The following KLHL32 variants were observed in gnomAD, a reference collection of about 807,000 sequenced individuals.
The protein encoded by KLHL32 is kelch-like protein 32.
KLHL32 carries 35 observed loss-of-function variants against 64.8 expected under a neutral mutation model. That is an observed-to-expected ratio of 0.54 (90% CI 0.41 to 0.72). The LOEUF is 0.72. KLHL32 is among the 30% of genes least tolerant of loss of function. The pLI is 0.00. For missense variants in KLHL32, 589 were observed against 768.5 expected (o/e 0.77, Z 2.76); for synonymous variants, 259 against 281.0 (o/e 0.92, Z 0.78).
intron 10 of KLHL32, among the ~76,000 whole-genome samples, chr6:97,137,479 T>C (rs1800154722): frequency 1.3e-5 from 2 of 152,192 alleles, no homozygotes; most frequent in South Asian, 4.1e-4. Context: ...TTGTGAAACA[T>C]GGATCCCCAA....
rs1195222914 is a variant in KLHL32 at position 97,113,845 on chromosome 6, C to T, written c.690C>T (p.Tyr230=). The part of the protein sequence containing the change: ...HYQYMDELLQ[Y]IRFGLMDVDT... ...AGTACATGGACGAGCTCCTGCAATA[C>T]ATCCGCTTTGGCCTAATGGATGTGG... Residue 230 remains tyrosine (Y), a synonymous_variant, in exon 7 of 11, where the codon TAC becomes TAT. Coordinates refer to ENST00000369261, the MANE Select transcript of KLHL32 (RefSeq NM_052904.4). 1 of 1,614,142 alleles carries T rather than the reference C, an allele frequency of 6.2e-7. No individual in the cohort carries two copies. Among genetic ancestry groups the T allele is most frequent in the Non-Finnish European group, 8.5e-7 (1 of 1,180,032 alleles).
intron 6 of KLHL32, among the ~76,000 whole-genome samples, chr6:97,091,738 C>T (rs117883448): frequency 1.7e-4 from 26 of 152,278 alleles, no homozygotes; most frequent in Non-Finnish European, 3.1e-4. Context: ...TGTTAACTCT[C>T]GATAGTTGTA....
rs138316148 is a variant in KLHL32 at position 96,994,659 on chromosome 6, T to C, written c.204+18482T>C. Reference sequence around the variant, plus strand: ...GTTTAAAATATGATTAATGAATGATTAGTTGCGTGCAAAGTACTATGAGTT... The same window carrying C: ...GTTTAAAATATGATTAATGAATGATCAGTTGCGTGCAAAGTACTATGAGTT... On this transcript the variant is annotated intron_variant, in intron 3 of 10. Coordinates refer to ENST00000369261, the MANE Select transcript of KLHL32 (RefSeq NM_052904.4). 1.9e-3 allele frequency: 1,829 copies of C among 977,622 alleles called. 5 individuals carry two copies. Among genetic ancestry groups the C allele is most frequent in the Non-Finnish European group, 2.1e-3 (1,724 of 822,814 alleles). The allele number at this position is 977,622 out of a possible 1,614,324, so 60.6% of individuals were successfully genotyped here. A position where few individuals can be genotyped will look rare whatever the true frequency, so the allele number is the denominator to read the frequency against.
At chr6:97,108,538 C>T (rs963373295) in intron 6 of KLHL32, among the ~76,000 whole-genome samples, 2 of 152,144 alleles carry the variant, frequency 1.3e-5, no homozygotes, top group Admixed American at 1.3e-4. Flanking sequence ...GTTCACAGCA[C>T]AGAGGTGATT....
intron 4 of KLHL32, among the ~76,000 whole-genome samples, chr6:97,058,712 C>T (rs370236089): frequency 2.0e-5 from 3 of 152,278 alleles, no homozygotes; most frequent in East Asian, 3.9e-4. Context: ...TGTTCTTTGA[C>T]CTCTCCTTTC....
chr6:96,899,418 T>C, the KLHL32 span, among the ~76,000 whole-genome samples: 3 of 152,362 alleles, frequency 2.0e-5, no homozygotes, highest in African/African-American at 7.2e-5. Context: ...CCTGTTAAAA[T>C]ATTTTAAAAG....
At chr6:96,907,020 T>C in the KLHL32 span, among the ~76,000 whole-genome samples, 3 of 152,214 alleles carry the variant, frequency 2.0e-5, no homozygotes, top group Admixed American at 2.0e-4. Flanking sequence ...ATCAAAAAGA[T>C]AATTCATGTA....
intron 3 of KLHL32, among the ~76,000 whole-genome samples, chr6:97,005,399 T>C (rs934014494): frequency 1.3e-5 from 2 of 152,102 alleles, no homozygotes; most frequent in African/African-American, 4.8e-5. Context: ...GGTAGTGGTC[T>C]ATCTCTCTTA....
intron 1 of KLHL32, among the ~76,000 whole-genome samples, chr6:96,932,042 A>G (rs1175361199): frequency 2.0e-5 from 3 of 151,988 alleles, no homozygotes; most frequent in Non-Finnish European, 2.9e-5. Flanking sequence ...TTGTTTCCTC[A>G]TCTACTCTGC....
chr6:97,068,925 G>A (rs906025717), intron 5 of KLHL32, among the ~76,000 whole-genome samples: 2 of 152,200 alleles, frequency 1.3e-5, no homozygotes, highest in African/African-American at 2.4e-5. Flanking sequence ...GCACTTTTAT[G>A]TGAAAGACGT....
At position 97,041,597 on chromosome 6, in the gene KLHL32, C is replaced by G. The variant is rs1274166425; in HGVS notation, c.310C>G (p.Gln104Glu). Residue 104 changes from glutamine to glutamate, a missense_variant and splice_region_variant, in exon 4 of 11, where the codon CAG becomes GAG. Coordinates refer to ENST00000369261, the MANE Select transcript of KLHL32 (RefSeq NM_052904.4). ...GGCTCTGGAGTTTGCATACACAGGA[C>G]AGGTATGGTATTAAATGTGATCTGT... is the stretch of plus-strand genomic sequence containing the variant. ...KQALEFAYTG[Q>E]ILLEPGVIQD... The G allele has an allele frequency of 1.3e-6, 2 of 1,585,266 alleles. No homozygotes were observed. The highest frequency in any genetic ancestry group is 1.3e-5 in the African/African-American group (1 of 74,302).
chr6:97,132,096 T>A (rs541652795), intron 9 of KLHL32, among the ~76,000 whole-genome samples: 2 of 152,254 alleles, frequency 1.3e-5, no homozygotes, highest in South Asian at 4.2e-4. Context: ...TCCAGGCTGG[T>A]CCCAGCTCAG....
At chr6:96,951,011 C>G (rs549842269) in intron 1 of KLHL32, among the ~76,000 whole-genome samples, 1 of 152,268 alleles carries the variant, frequency 6.6e-6, no homozygotes, top group South Asian at 2.1e-4. Flanking sequence ...AAAAAAAGTA[C>G]TTCTCACAAA....
intron 6 of KLHL32, among the ~76,000 whole-genome samples, chr6:97,094,892 C>G (rs1335072496): frequency 6.6e-6 from 1 of 152,156 alleles, no homozygotes; most frequent in Non-Finnish European, 1.5e-5. Context: ...ACTACCTTCT[C>G]TGGCCACACA....
chr6:97,054,775 C>G (rs1048790376), intron 4 of KLHL32, among the ~76,000 whole-genome samples: 1 of 152,238 alleles, frequency 6.6e-6, no homozygotes, highest in Non-Finnish European at 1.5e-5. Flanking sequence ...ATGTATCTGT[C>G]AAAGTAGGAA....
chr6:97,105,175 T>C (rs562735914), intron 6 of KLHL32, among the ~76,000 whole-genome samples: 3 of 152,336 alleles, frequency 2.0e-5, no homozygotes, highest in Admixed American at 2.0e-4. Flanking sequence ...AAATAATATC[T>C]AAAACAATGT....
In KLHL32 at chr6:97,091,515, CAG is replaced by C. The variant is rs57305749; in HGVS notation, c.627+6175_627+6176del. Among the ~76,000 whole-genome samples, 69 of 152,316 alleles carry C rather than the reference CAG, an allele frequency of 4.5e-4. 1 individual carries two copies. The highest frequency in any genetic ancestry group is 8.5e-4 in the Non-Finnish European group (58 of 68,034). ...CAGGGTCCTGCTGTCATGGGCCTGA[CAG>C]TGTCTGATGTGGGGCTTTCCGCTTG... On this transcript the variant is annotated intron_variant, in intron 6 of 10. Transcript: ENST00000369261.
chr6:97,045,437 A>T (rs958746654), intron 4 of KLHL32, among the ~76,000 whole-genome samples: 18 of 151,956 alleles, frequency 1.2e-4, no homozygotes, highest in Admixed American at 9.2e-4. Flanking sequence ...AAGATTGAAA[A>T]CCCATAGCTC....
intron 5 of KLHL32, among the ~76,000 whole-genome samples, chr6:97,072,564 C>CT (rs5878460): frequency 0.72 from 104,916 of 146,094 alleles, 38,057 homozygotes; most frequent in Middle Eastern, 0.83. Flanking sequence ...ATCTCTTTGG[C>CT]TTTTTTTTTT....
Sources: gnomAD v4.1 joint callset for allele counts (sites outside exome capture counted in the v4.1 genomes callset) on GRCh38, gnomAD v4.1.1 for gene constraint, MANE v1.5 for transcripts, NCBI Gene and HGNC (gene_info 2026-07-23, HGNC 2026-07-21) for gene names.